Variants in AFG1L observed in about 807,000 individuals in gnomAD.
AFG1L encodes AFG1-like ATPase.
A neutral mutation model predicts 62.2 loss-of-function variants in AFG1L; 53 were observed. The ratio of observed to expected loss-of-function variants is 0.85; its 90% CI spans 0.68 to 1.07. The LOEUF is 1.07. AFG1L is among the 50% of genes least tolerant of loss of function. The pLI is 0.00. For synonymous variants in AFG1L, 228 were observed against 210.3 expected, an observed-to-expected ratio of 1.08 and a Z score of -0.73; for missense variants, 555 against 590.5, an observed-to-expected ratio of 0.94 and a Z score of 0.62.
intron 8 of AFG1L, among the ~76,000 whole-genome samples, chr6:108,460,991 A>G (rs1772444419): frequency 6.6e-6 from 1 of 152,244 alleles, no homozygotes; most frequent in Non-Finnish European, 1.5e-5. Context: ...AATGACAACA[A>G]CAAAAAGAAG....
At chr6:108,426,518 T>C (rs1160814266) in intron 7 of AFG1L, among the ~76,000 whole-genome samples, 1 of 152,154 alleles carries the variant, frequency 6.6e-6, no homozygotes, top group African/African-American at 2.4e-5. Context: ...TTTTCTTTTC[T>C]TTTTCTCCCT....
chr6:108,317,958 C>T (rs1444268668), intron 1 of AFG1L: 1 of 152,742 alleles, frequency 6.5e-6, no homozygotes, highest in African/African-American at 2.4e-5. Flanking sequence ...AGCATATCAG[C>T]ATAAACTTGG....
chr6:108,295,402 G>A (rs1047690444), intron 1 of AFG1L, among the ~76,000 whole-genome samples, 184 bp downstream of exon 1: 2 of 152,206 alleles, frequency 1.3e-5, no homozygotes, highest in African/African-American at 4.8e-5. Context: ...TGAGCACTGA[G>A]GGAAATGACC....
At chr6:108,517,200 T>G (rs1423604408) in intron 11 of AFG1L, among the ~76,000 whole-genome samples, 1 of 152,112 alleles carries the variant, frequency 6.6e-6, no homozygotes, top group African/African-American at 2.4e-5. Context: ...GCCAAGACAA[T>G]CCTAAGCCAA....
chr6:108,435,851 C>T (rs1439970113), intron 7 of AFG1L, among the ~76,000 whole-genome samples: 1 of 152,146 alleles, frequency 6.6e-6, no homozygotes, highest in Non-Finnish European at 1.5e-5. Flanking sequence ...TCCTGTAGTT[C>T]CTAACATACT....
At chr6:108,398,924 AT>A (rs1268756551) in intron 6 of AFG1L, among the ~76,000 whole-genome samples, 1 of 152,126 alleles carries the variant, frequency 6.6e-6, no homozygotes, top group Non-Finnish European at 1.5e-5. Context: ...AGCTTTGGCT[AT>A]TTTGGATCTT....
chr6:108,324,124 A>G, intron 2 of AFG1L, 76 bp downstream of exon 2: 1 of 1,041,594 alleles, frequency 9.6e-7, no homozygotes, highest in Non-Finnish European at 1.4e-6. Context: ...ATGCAGTAGG[A>G]CACAATCATG....
intron 5 of AFG1L, among the ~76,000 whole-genome samples, chr6:108,360,503 A>G (rs977902002): frequency 1.3e-5 from 2 of 152,218 alleles, no homozygotes; most frequent in South Asian, 2.1e-4. Flanking sequence ...AACATGGGAG[A>G]CCCTATTCCC....
At chr6:108,507,256 A>C (rs1440170327) in intron 10 of AFG1L, among the ~76,000 whole-genome samples, 1 of 152,208 alleles carries the variant, frequency 6.6e-6, no homozygotes, top group Non-Finnish European at 1.5e-5. Flanking sequence ...CATTAAGTAC[A>C]TTCATATTGT....
At chr6:108,369,580 C>T (rs1011645363) in intron 6 of AFG1L, among the ~76,000 whole-genome samples, 5 of 151,840 alleles carry the variant, frequency 3.3e-5, no homozygotes, top group African/African-American at 1.2e-4. Flanking sequence ...TCTTTTCCAG[C>T]CATCAAAATG....
intron 1 of AFG1L, among the ~76,000 whole-genome samples, chr6:108,323,220 C>T (rs552537105): frequency 2.3e-4 from 35 of 152,182 alleles, no homozygotes; most frequent in South Asian, 8.3e-4. Context: ...GATGAGGAAC[C>T]CCAGTGTCTC....
chr6:108,338,141 G>A (rs961112834), intron 2 of AFG1L, among the ~76,000 whole-genome samples: 1 of 152,132 alleles, frequency 6.6e-6, no homozygotes, highest in Non-Finnish European at 1.5e-5. Context: ...AGCTGTGATG[G>A]TGCCACTGGA....
At chr6:108,510,575 A>G (rs1408473162) in intron 11 of AFG1L, among the ~76,000 whole-genome samples, 1 of 152,234 alleles carries the variant, frequency 6.6e-6, no homozygotes, top group Non-Finnish European at 1.5e-5. Context: ...CATTTGGCAC[A>G]AGCTGAATGC....
rs2114815290 is a variant in AFG1L, at chr6:108,476,952, C to T, written c.961+17C>T. 1 of 1,605,750 alleles carries T rather than the reference C, an allele frequency of 6.2e-7. No homozygotes were observed. Among genetic ancestry groups the T allele is most frequent in the African/African-American group, 1.3e-5 (1 of 74,920 alleles). On this transcript the variant is annotated intron_variant, in intron 9 of 12. Transcript: ENST00000368977. ...AAAATGATTGTACGTAAGTTAATTT[C>T]TCTTGAAAGAGAATACATTTAGAAC...
intron 7 of AFG1L, among the ~76,000 whole-genome samples, chr6:108,418,953 A>G (rs1294826329): frequency 3.3e-5 from 5 of 152,160 alleles, no homozygotes; most frequent in African/African-American, 7.2e-5. Context: ...AAGCATTGCT[A>G]TTCTCATCTG....
intron 11 of AFG1L, among the ~76,000 whole-genome samples, chr6:108,517,541 A>G (rs965540872): frequency 3.3e-5 from 5 of 152,252 alleles, no homozygotes; most frequent in African/African-American, 9.6e-5. Flanking sequence ...ACCTAAAACC[A>G]TAAAAACCTT....
chr6:108,315,922 C>G (rs1468740285), intron 1 of AFG1L, among the ~76,000 whole-genome samples: 1 of 152,066 alleles, frequency 6.6e-6, no homozygotes, highest in Non-Finnish European at 1.5e-5. Context: ...TGGTGTGCAC[C>G]TGTAGTCCCA....
At chr6:108,354,415 C>G (rs1335085047) in intron 3 of AFG1L, among the ~76,000 whole-genome samples, 3 of 152,048 alleles carry the variant, frequency 2.0e-5, no homozygotes, top group African/African-American at 7.2e-5. Flanking sequence ...AGCTATTCTT[C>G]TGCCTCAGCC....
chr6:108,399,075 A>G (rs1184544556), intron 6 of AFG1L, among the ~76,000 whole-genome samples: 2 of 151,308 alleles, frequency 1.3e-5, no homozygotes, highest in East Asian at 1.9e-4. Flanking sequence ...CTTCCAATCT[A>G]TGAATACGGA....
Sources: gnomAD v4.1 joint callset for allele counts (sites outside exome capture counted in the v4.1 genomes callset) on GRCh38, gnomAD v4.1.1 for gene constraint, MANE v1.5 for transcripts, NCBI Gene and HGNC (gene_info 2026-07-23, HGNC 2026-07-21) for gene names.